The following BCAS3 variants were observed in gnomAD, a reference collection of about 807,000 sequenced individuals.
BCAS3 encodes BCAS4/BCAS3 fusion.
Under a neutral mutation model 116.1 loss-of-function variants are expected in BCAS3, and 53 were observed. The observed-to-expected ratio is 0.46, with a 90% CI of 0.37 to 0.57. The LOEUF (loss-of-function observed/expected upper bound fraction) is 0.57, where lower values mean the gene tolerates loss of function less well. Among genes scored for constraint, BCAS3 ranks in the 20% least tolerant of loss-of-function variants. BCAS3 has a pLI of 0.00. For synonymous variants in BCAS3, 391 were observed against 408.2 expected (o/e 0.96, Z 0.51); for missense variants, 917 against 1,165.4 (o/e 0.79, Z 3.10).
chr17:61,182,236 A>G (rs774479969), intron 22 of BCAS3, among the ~76,000 whole-genome samples: 6 of 152,162 alleles, frequency 3.9e-5, no homozygotes, highest in Admixed American at 1.3e-4. Flanking sequence ...AAATTTTGTG[A>G]AAGCATCCCA....
intron 6 of BCAS3, among the ~76,000 whole-genome samples, chr17:60,789,723 C>G (rs1022568652): frequency 1.3e-5 from 2 of 151,908 alleles, no homozygotes; most frequent in Non-Finnish European, 2.9e-5. Context: ...AAAGTTAATC[C>G]ACTGCAATTT....
intron 16 of BCAS3, among the ~76,000 whole-genome samples, chr17:61,024,009 C>T (rs938752274): frequency 3.2e-4 from 48 of 152,260 alleles, no homozygotes; most frequent in African/African-American, 1.1e-3. Flanking sequence ...AGTATACACT[C>T]CCACTCACAT....
At position 61,031,721 on chromosome 17, in the gene BCAS3, G is replaced by A. The variant is rs145077489; in HGVS notation, c.1638-2945G>A. ...ACAACACTATGTTATGTAGCAGATA[G>A]CAAGTTATTTTCAGGGTGAAAACTC... On this transcript the variant is annotated intron_variant, in intron 16 of 23. Coordinates refer to ENST00000407086, the MANE Select transcript of BCAS3 (RefSeq NM_017679.5). Among the ~76,000 whole-genome samples the A allele has an allele frequency of 2.4e-3, 372 of 152,170 alleles. 2 individuals carry two copies. Among genetic ancestry groups the A allele is most frequent in the African/African-American group, 7.8e-3 (324 of 41,558 alleles).
intron 7 of BCAS3, among the ~76,000 whole-genome samples, chr17:60,842,680 T>C (rs1338555514): frequency 6.6e-6 from 1 of 152,164 alleles, no homozygotes; most frequent in Admixed American, 6.6e-5. Context: ...ATTTGCTTAC[T>C]CCTGAGTGTG....
At position 61,026,755 on chromosome 17, in the gene BCAS3, T is replaced by C; in HGVS notation, c.1638-7911T>C. ...AGCAGAATTGTAAATGATTACTAAT[T>C]TTTTAGTTATTTTTATCCATACTCT... On this transcript the variant is annotated intron_variant, in intron 16 of 23. Transcript: ENST00000407086. This position sits in a 1 kb window ranked among gnomAD's most constrained non-coding sequence, Gnocchi z 5.0. The C allele has an allele frequency of 2.0e-6, 2 of 1,004,626 alleles. 1 individual carries two copies. Among genetic ancestry groups the C allele is most frequent in the South Asian group, 3.0e-5 (2 of 66,752 alleles). The allele number at this position is 1,004,626 out of a possible 1,614,324, so 62.2% of individuals were successfully genotyped here. A position where few individuals can be genotyped will look rare whatever the true frequency, so the allele number is the denominator to read the frequency against.
rs758307797 is a variant in BCAS3, at chr17:60,697,582, CAAA to C, written c.214+7840_214+7842del. ...TGGGTGACAGAGTGAGACTCTGTCT[CAAA>C]AAAAAAAAAAAAAAAAAAGATTCGG... On this transcript the variant is annotated intron_variant, in intron 4 of 23. Transcript: ENST00000407086. Among the ~76,000 whole-genome samples the C allele has an allele frequency of 1.6e-3, 94 of 59,004 alleles. 1 individual carries two copies. Among genetic ancestry groups the C allele is most frequent in the African/African-American group, 3.6e-3 (75 of 21,024 alleles). 38.7% of individuals were successfully genotyped at this position (59,004 alleles called of 152,430 possible). A position where few individuals can be genotyped will look rare whatever the true frequency, so the allele number is the denominator to read the frequency against.
chr17:60,970,903 C>T (rs1187939081), intron 14 of BCAS3, among the ~76,000 whole-genome samples: 2 of 152,048 alleles, frequency 1.3e-5, no homozygotes, highest in Non-Finnish European at 2.9e-5. Flanking sequence ...ATAACCAAAC[C>T]CAACAACTGC....
At chr17:61,177,179 G>C (rs748266112) in intron 22 of BCAS3, among the ~76,000 whole-genome samples, 8 of 152,186 alleles carry the variant, frequency 5.3e-5, no homozygotes, top group African/African-American at 1.9e-4. Flanking sequence ...CTTATCATAT[G>C]ATCTAGCCAT....
chr17:61,146,448 T>G (rs1004229201), intron 22 of BCAS3, among the ~76,000 whole-genome samples: 1 of 152,008 alleles, frequency 6.6e-6, no homozygotes, highest in Non-Finnish European at 1.5e-5. Context: ...TGTGTACCAG[T>G]TTGGGTCACT....
chr17:61,165,140 C>T (rs2078410855), intron 22 of BCAS3, among the ~76,000 whole-genome samples: 1 of 152,162 alleles, frequency 6.6e-6, no homozygotes, highest in African/African-American at 2.4e-5. Flanking sequence ...CTTTCCTTAC[C>T]TAATAATTTC....
chr17:60,753,097 G>T (rs2042638813), intron 6 of BCAS3, among the ~76,000 whole-genome samples: 1 of 152,124 alleles, frequency 6.6e-6, no homozygotes, highest in South Asian at 2.1e-4. Flanking sequence ...TCCCATCTCA[G>T]CCTCCCAGTG....
In BCAS3 at chr17:61,126,946, G is replaced by A. The variant is rs1360551739; in HGVS notation, c.2425+42382G>A. On this transcript the variant is annotated intron_variant, in intron 22 of 23. Transcript: ENST00000407086. The surrounding 1 kb of genome is among the most constrained non-coding windows in gnomAD (Gnocchi z 4.6). Reference sequence around the variant, plus strand: ...TCTTTCTGGGTTATTTTTCCAAGCGGGTAGTAGAACGCCCAAGGTTATACA... The same window carrying A: ...TCTTTCTGGGTTATTTTTCCAAGCGAGTAGTAGAACGCCCAAGGTTATACA... Among the ~76,000 whole-genome samples, 3 of 152,030 alleles carry A rather than the reference G, an allele frequency of 2.0e-5. No homozygotes were observed. Among genetic ancestry groups the A allele is most frequent in the African/African-American group, 7.3e-5 (3 of 41,378 alleles).
chr17:60,685,361 A>G (rs1052919877), intron 3 of BCAS3, among the ~76,000 whole-genome samples: 2 of 151,822 alleles, frequency 1.3e-5, no homozygotes, highest in African/African-American at 4.8e-5. Context: ...GAGGCAGGAG[A>G]ATCACTTGAA....
intron 19 of BCAS3, among the ~76,000 whole-genome samples, chr17:61,043,574 G>A (rs1306464488): frequency 6.6e-6 from 1 of 151,926 alleles, no homozygotes; most frequent in Non-Finnish European, 1.5e-5. Context: ...GTTTTCAGTG[G>A]GTACACAGGT....
At position 60,956,133 on chromosome 17, in the gene BCAS3, A is replaced by G. The variant is rs1028913044; in HGVS notation, c.1221+8781A>G. ...TATCATTTTGGTCTCATAGATTCCT[A>G]TTTTATTCAATGGATTATATTTGTT... On this transcript the variant is annotated intron_variant, in intron 14 of 23. Transcript: ENST00000407086. The surrounding 1 kb of genome is among the most constrained non-coding windows in gnomAD (Gnocchi z 4.2). Among the ~76,000 whole-genome samples, 7 of 152,100 alleles carry G rather than the reference A, an allele frequency of 4.6e-5. No homozygotes were observed. Among genetic ancestry groups the G allele is most frequent in the East Asian group, 1.9e-4 (1 of 5,186 alleles).
chr17:61,081,871 T>C (rs908676486), intron 21 of BCAS3, among the ~76,000 whole-genome samples: 4 of 152,350 alleles, frequency 2.6e-5, no homozygotes, highest in African/African-American at 9.6e-5. Flanking sequence ...TTGGCTTTAC[T>C]TTCTCTCTTA....
intron 22 of BCAS3, among the ~76,000 whole-genome samples, chr17:61,277,768 A>G (rs1052276690): frequency 3.9e-5 from 6 of 152,218 alleles, no homozygotes; most frequent in African/African-American, 1.4e-4. Flanking sequence ...ACCATCAGAG[A>G]TATTCAACTC....
At chr17:60,940,066 G>C (rs2060143853) in intron 13 of BCAS3, among the ~76,000 whole-genome samples, 1 of 152,146 alleles carries the variant, frequency 6.6e-6, no homozygotes, top group African/African-American at 2.4e-5. Context: ...TTTAAATAAT[G>C]ATGTTAATAC....
At chr17:60,750,707 C>T (rs1327302810) in intron 6 of BCAS3, among the ~76,000 whole-genome samples, 1 of 152,118 alleles carries the variant, frequency 6.6e-6, no homozygotes, top group Admixed American at 6.5e-5. Context: ...TTACCCTGTC[C>T]CCCTCACTAG....
Sources: gnomAD v4.1 joint callset for allele counts (sites outside exome capture counted in the v4.1 genomes callset) on GRCh38, gnomAD v4.1.1 for gene constraint, Gnocchi (gnomAD v3.1) non-coding constraint, MANE v1.5 for transcripts, NCBI Gene and HGNC (gene_info 2026-07-23, HGNC 2026-07-21) for gene names.